KDM6A: variants seen among roughly 807,000 people sequenced by gnomAD.
The protein encoded by KDM6A is lysine-specific demethylase 6A.
A neutral mutation model predicts 117.6 loss-of-function variants in KDM6A; 11 were observed. That is an observed-to-expected ratio of 0.09 (90% CI 0.06 to 0.15). KDM6A has a LOEUF of 0.15. Ranked by LOEUF, KDM6A falls within the 10% of genes least tolerant of loss-of-function variation. KDM6A has a pLI of 1.00. For synonymous variants in KDM6A, 384 were observed against 396.1 expected, an observed-to-expected ratio of 0.97 and a Z score of 0.36; for missense variants, 799 against 1,077.3, an observed-to-expected ratio of 0.74 and a Z score of 3.62.
rs1000783348 is a variant in KDM6A, at chrX:44,874,048, C to G, written c.225+61C>G. The G allele has an allele frequency of 2.8e-6, 3 of 1,060,523 alleles. No individual in the cohort carries two copies. The African/African-American group carries it at 5.5e-5, about 19-fold the overall frequency. The allele number at this position is 1,060,523 out of a possible 1,213,427, so 87.4% of individuals were successfully genotyped here. On this transcript the variant is annotated intron_variant, in intron 2 of 29. Transcript: ENST00000611820. ...TCCCTGGCCGGCGCCGCGCTCGCCCCGGGCCCCGCGGCCGGGTCTGTGCTC... is the reference window on the plus strand; with the variant it reads ...TCCCTGGCCGGCGCCGCGCTCGCCCGGGGCCCCGCGGCCGGGTCTGTGCTC...
intron 18 of KDM6A, among the ~76,000 whole-genome samples, chrX:45,071,536 G>C (rs1188147135): frequency 9.0e-6 from 1 of 111,419 alleles, no homozygotes; most frequent in African/African-American, 3.3e-5. Context: ...GAATGATTGA[G>C]GTGAAATTAA....
chrX:45,023,817 A>G (rs774088770), intron 6 of KDM6A, among the ~76,000 whole-genome samples: 2 of 110,144 alleles, frequency 1.8e-5, no homozygotes, highest in Non-Finnish European at 3.8e-5. Context: ...CCGAGTCCCC[A>G]AAGTCCATTA....
intron 2 of KDM6A, among the ~76,000 whole-genome samples, chrX:44,911,368 A>T (rs2035139059): frequency 1.0e-5 from 1 of 97,477 alleles, no homozygotes; most frequent in Admixed American, 1.1e-4. Flanking sequence ...CCGGGCAGAG[A>T]CGCTCCTCAC....
At chrX:45,086,581 C>T (rs1344201432) in intron 25 of KDM6A, among the ~76,000 whole-genome samples, 1 of 112,149 alleles carries the variant, frequency 8.9e-6, no homozygotes, top group African/African-American at 3.2e-5. Context: ...CAGGCATGAT[C>T]CACCACATCC....
At chrX:45,026,831 CAA>C (rs779434779) in intron 6 of KDM6A, among the ~76,000 whole-genome samples, 8 of 42,671 alleles carry the variant, frequency 1.9e-4, no homozygotes, top group Admixed American at 3.0e-4. Flanking sequence ...AACTCCATCT[CAA>C]AAAAAAAAAA....
chrX:45,069,537 T>G, intron 17 of KDM6A, 42 bp from the exon 18 acceptor site: 1 of 1,101,613 alleles, frequency 9.1e-7, no homozygotes, highest in Non-Finnish European at 1.3e-6. Flanking sequence ...ATATTCTGAG[T>G]TTGCTTAATA....
chrX:45,100,312 C>T (rs2046290979), intron 27 of KDM6A, among the ~76,000 whole-genome samples: 1 of 111,029 alleles, frequency 9.0e-6, no homozygotes. Flanking sequence ...AATAGACTTA[C>T]AGGTGCAGTT....
chrX:44,981,338 C>T (rs768791007), intron 4 of KDM6A, among the ~76,000 whole-genome samples: 1 of 111,805 alleles, frequency 8.9e-6, no homozygotes, highest in African/African-American at 3.3e-5. Context: ...CAGAGTGGCA[C>T]AGACCTCAGC....
intron 8 of KDM6A, among the ~76,000 whole-genome samples, chrX:45,044,036 C>T (rs988488747): frequency 8.9e-6 from 1 of 111,760 alleles, no homozygotes; most frequent in Non-Finnish European, 1.9e-5. Context: ...TGTATAGTAA[C>T]ATGCTGTACA....
At chrX:45,051,889 A>G (rs1188533830) in intron 9 of KDM6A, 87 bp downstream of exon 9, 1 of 530,717 alleles carries the variant, frequency 1.9e-6, no homozygotes, top group East Asian at 3.6e-5. Context: ...TGGCTCATAT[A>G]TTCTATTCCT....
At chrX:45,086,073 T>G (rs189024764) in intron 25 of KDM6A, 94 bp downstream of exon 25, 92 of 532,755 alleles carry the variant, frequency 1.7e-4, no homozygotes, top group African/African-American at 1.6e-3. Flanking sequence ...ATGGATACAT[T>G]GCCAGTATTC....
At chrX:45,049,120 C>G (rs1302164108) in intron 8 of KDM6A, among the ~76,000 whole-genome samples, 1 of 111,314 alleles carries the variant, frequency 9.0e-6, no homozygotes, top group Non-Finnish European at 1.9e-5. Context: ...GAGTAAATCC[C>G]CTTCCACCAG....
chrX:44,950,297 G>A (rs754751196), intron 2 of KDM6A, among the ~76,000 whole-genome samples: 1 of 111,530 alleles, frequency 9.0e-6, no homozygotes, highest in Non-Finnish European at 1.9e-5. Context: ...TACTTTACAG[G>A]CGTGAGCCCC....
chrX:45,021,596 TA>T (rs966328756), intron 6 of KDM6A, among the ~76,000 whole-genome samples: 2 of 111,130 alleles, frequency 1.8e-5, no homozygotes, highest in South Asian at 3.8e-4. Context: ...AGGTTAAAAA[TA>T]AAAAAAACTG....
At chrX:45,037,957 C>A (rs1363780653) in intron 8 of KDM6A, among the ~76,000 whole-genome samples, 1 of 111,830 alleles carries the variant, frequency 8.9e-6, no homozygotes, top group East Asian at 2.8e-4. Context: ...CGCGGTAGCT[C>A]ACACCTGTAA....
rs78749806 is a variant in KDM6A, at chrX:45,047,674, C to CTTTTTTTTTTTT, written c.655-4017_655-4006dup. On this transcript the variant is annotated intron_variant, in intron 8 of 29. Coordinates refer to ENST00000611820, the MANE Select transcript of KDM6A (RefSeq NM_001291415.2). The stretch of plus-strand genomic sequence containing the variant: ...TCAAATATCTGCTTGCTTTTTTTTT[C>CTTTTTTTTTTTT]TTTTTTTTTTTTTTTTTTTTTTTTT... 4.7e-3 allele frequency among the ~76,000 whole-genome samples: 171 copies of CTTTTTTTTTTTT among 36,350 alleles called. 64 individuals carry two copies. The highest frequency in any genetic ancestry group is 5.9e-3 in the Non-Finnish European group (115 of 19,613). The allele number at this position is 36,350 out of a possible 115,157, so 31.6% of individuals were successfully genotyped here.
chrX:44,900,030 A>G (rs1381122377), intron 2 of KDM6A, among the ~76,000 whole-genome samples: 1 of 112,283 alleles, frequency 8.9e-6, no homozygotes, highest in Non-Finnish European at 1.9e-5. Flanking sequence ...TTTCTGTCAT[A>G]TTCTTTAAAG....
rs1316418042 is a variant in KDM6A, at chrX:45,064,976, T to C, written c.2079+1159T>C. 4.5e-5 allele frequency among the ~76,000 whole-genome samples: 5 copies of C among 111,506 alleles called. No individual in the cohort carries two copies. The East Asian group carries it at 1.4e-3, about 31-fold the overall frequency. On this transcript the variant is annotated intron_variant, in intron 17 of 29. Transcript: ENST00000611820. ...GATGTCTCTACTTGGTGTAGGTAAA[T>C]AGATAGTAAACAAATAAGCAATACA...
Position 45,086,013 on chromosome X carries a change from T to C in KDM6A, c.3704+34T>C, listed in dbSNP as rs771320342. ...CCAAAGTAAATTTTCTTAAAACATA[T>C]ATTAGAAAGCAGTAATTGTAAACGA... On this transcript the variant is annotated intron_variant, in intron 25 of 29. Transcript: ENST00000611820. 3.6e-5 allele frequency: 32 copies of C among 879,953 alleles called. No homozygotes were observed. In the South Asian group the frequency reaches 5.6e-4, roughly 15 times the overall value. 72.5% of individuals were successfully genotyped at this position (879,953 alleles called of 1,213,427 possible). A position where few individuals can be genotyped will look rare whatever the true frequency, so the allele number is the denominator to read the frequency against.
Sources: allele counts gnomAD v4.1 joint callset (sites outside exome capture counted in the v4.1 genomes callset), GRCh38; gene constraint gnomAD v4.1.1; transcripts MANE v1.5; gene names NCBI Gene and HGNC (gene_info 2026-07-23, HGNC 2026-07-21).